Variants in PLCB2 observed in about 807,000 individuals in gnomAD.
PLCB2 encodes the protein 1-phosphatidylinositol 4,5-bisphosphate phosphodiesterase beta-2.
In PLCB2, 115 loss-of-function variants were observed where a neutral mutation model predicts 141.7. That is an observed-to-expected ratio of 0.81 (90% CI 0.70 to 0.95). PLCB2 has a LOEUF of 0.95. Among genes scored for constraint, PLCB2 ranks in the 40% least tolerant of loss-of-function variants. PLCB2 has a pLI of 0.00. For missense variants in PLCB2, 1,403 were observed against 1,541.1 expected, an observed-to-expected ratio of 0.91 and a Z score of 1.50; for synonymous variants, 603 against 595.6, an observed-to-expected ratio of 1.01 and a Z score of -0.18.
rs757525966 is a variant in PLCB2 at position 40,307,640 on chromosome 15, G to A, written c.33C>T (p.Pro11=). The A allele has an allele frequency of 2.5e-6, 4 of 1,583,306 alleles. No individual in the cohort carries two copies. In the African/African-American group the frequency reaches 4.1e-5, roughly 16 times the overall value. MSLLNPVLLP[P]KVKAYLSQGE... is the part of the protein sequence containing the mutation. ...CTTGGCTCAGATAGGCCTTCACCTT[G>A]GGGGGCAGCAGGACAGGGTTGAGCA... Residue 11 remains proline, a synonymous_variant, in exon 1 of 32, where the codon CCC becomes CCT. Transcript: ENST00000260402.
Position 40,296,893 on chromosome 15 carries a change from G to C in PLCB2, c.1339C>G (p.Pro447Ala), listed in dbSNP as rs1225138624. Reference sequence around the variant, plus strand: ...CTGAGATCCTCAGGGCTGGGCAGGGGGACACCTGGTTTTAGCTATGGAGTG... The same window carrying C: ...CTGAGATCCTCAGGGCTGGGCAGGGCGACACCTGGTTTTAGCTATGGAGTG... ...LEKFPLKPGV[P>A]LPSPEDLRGK... is the part of the protein sequence containing the mutation. The change falls in exon 14 of 32, where the codon CCC becomes GCC. Residue 447 changes from proline to alanine, a missense_variant. This residue lies in a region of PLCB2 where 975 missense variants were observed against 1,141.1 expected (regional missense o/e 0.85). Coordinates refer to ENST00000260402, the MANE Select transcript of PLCB2 (RefSeq NM_004573.3). The C allele has an allele frequency of 6.2e-7, 1 of 1,613,878 alleles. No homozygotes were observed. The highest frequency in any genetic ancestry group is 1.7e-5 in the Admixed American group (1 of 59,966).
chr15:40,303,076 T>C (rs947052359), intron 3 of PLCB2, among the ~76,000 whole-genome samples: 7 of 152,102 alleles, frequency 4.6e-5, no homozygotes, highest in African/African-American at 1.7e-4. Flanking sequence ...CCATCTCAGC[T>C]CACTGTGCGC....
Position 40,288,537 on chromosome 15 carries a change from T to A in PLCB2, c.*178A>T, listed in dbSNP as rs181845158. 52 of 1,329,600 alleles carry A rather than the reference T, an allele frequency of 3.9e-5. No homozygotes were observed. In the African/African-American group the frequency reaches 6.6e-4, roughly 17 times the overall value. The allele number at this position is 1,329,600 out of a possible 1,614,324, so 82.4% of individuals were successfully genotyped here. A position where few individuals can be genotyped will look rare whatever the true frequency, so the allele number is the denominator to read the frequency against. On this transcript the variant is annotated 3_prime_UTR_variant, in exon 32 of 32. Transcript: ENST00000260402. ...CCCCAGAGAGGCCCTGCCGTGAGGG[T>A]GCCTGGGTCCTGTCTCAGACTCTGG... is the stretch of plus-strand genomic sequence containing the variant.
chr15:40,304,088 G>A lies in PLCB2; in HGVS notation c.85-10C>T. On this transcript the variant is annotated splice_polypyrimidine_tract_variant and intron_variant, in intron 1 of 31. Transcript: ENST00000260402. ...AGGCAACTGTAGTTTCCTGCAGAGA[G>A]AAGGAGCCAGCACTCTGTTCCAAGA... 4 of 1,580,860 alleles carry A rather than the reference G, an allele frequency of 2.5e-6. No homozygotes were observed. The highest frequency in any genetic ancestry group is 3.4e-6 in the Non-Finnish European group (4 of 1,161,004).
chr15:40,296,299 C>T lies in PLCB2; in HGVS notation c.1693G>A (p.Ala565Thr). The T allele has an allele frequency of 6.2e-7, 1 of 1,612,174 alleles. No individual in the cohort carries two copies. The change falls in exon 16 of 32, where the codon GCC (alanine) becomes ACC (threonine). Residue 565 changes from alanine (A) to threonine (T), a missense_variant. By Grantham distance (58) the Ala-to-Thr change is moderately conservative (BLOSUM62 0). This residue lies in a region of PLCB2 where 975 missense variants were observed against 1,141.1 expected (regional missense o/e 0.85). Coordinates refer to ENST00000260402, the MANE Select transcript of PLCB2 (RefSeq NM_004573.3). ...TAAGTTACTCATGCTAACTTACGGG[C>T]AGAGAACTCAAAGGAGACGAACTTG... is the stretch of plus-strand genomic sequence containing the variant. ...PTKFVSFEFS[A>T]QKNRSYVISS...
intron 19 of PLCB2, 136 bp from the exon 20 acceptor site, chr15:40,293,860 T>C: frequency 4.8e-6 from 4 of 830,828 alleles, no homozygotes; most frequent in Non-Finnish European, 7.5e-6. Flanking sequence ...GCTCTGGCCA[T>C]GAGTAGAGAG....
In PLCB2 at chr15:40,297,417, A is replaced by G; in HGVS notation, c.1323+104T>C. The G allele has an allele frequency of 2.3e-6, 2 of 866,604 alleles. No homozygotes were observed. Among genetic ancestry groups the G allele is most frequent in the South Asian group, 2.7e-5 (2 of 72,842 alleles). The allele number at this position is 866,604 out of a possible 1,614,324, so 53.7% of individuals were successfully genotyped here. A position where few individuals can be genotyped will look rare whatever the true frequency, so the allele number is the denominator to read the frequency against. On this transcript the variant is annotated intron_variant, in intron 13 of 31. Transcript: ENST00000260402. The surrounding 1 kb of genome is among the most constrained non-coding windows in gnomAD (Gnocchi z 4.2). ...TCCCAGACCCGCATCTAACCAAGTG[A>G]ACCCTAGCATCCTCTGGGAGTGTCT...
At chr15:40,299,441 A>G (rs959565885) in intron 7 of PLCB2, among the ~76,000 whole-genome samples, 1 of 152,218 alleles carries the variant, frequency 6.6e-6, no homozygotes, top group African/African-American at 2.4e-5. Flanking sequence ...GATTTTGTAC[A>G]GTGGCTATTC....
At position 40,290,027 on chromosome 15, in the gene PLCB2, G is replaced by A; in HGVS notation, c.3265C>T (p.Gln1089Ter). The change falls in exon 30 of 32, where the codon CAG (glutamine) becomes TAG (stop). Residue 1089 changes from glutamine (Q) to a stop codon, truncating the protein, a stop_gained and splice_region_variant. Transcript: ENST00000260402. LOFTEE classifies it high-confidence loss of function. ...HIQEVVQVIK[Q>*]MTENLERHQE... is the part of the protein sequence containing the mutation. ...GGAAGGACACAGCCCTTACACACCTGCTTGATCACCTGCACTACTTCCTGG... is the reference window on the plus strand; with the variant it reads ...GGAAGGACACAGCCCTTACACACCTACTTGATCACCTGCACTACTTCCTGG... The A allele has an allele frequency of 6.4e-7, 1 of 1,572,456 alleles. No individual in the cohort carries two copies.
At position 40,288,506 on chromosome 15, in the gene PLCB2, T is replaced by C; in HGVS notation, c.*209A>G. 1 of 1,301,062 alleles carries C rather than the reference T, an allele frequency of 7.7e-7. No individual in the cohort carries two copies. Among genetic ancestry groups the C allele is most frequent in the Non-Finnish European group, 9.8e-7 (1 of 1,024,576 alleles). 80.6% of individuals were successfully genotyped at this position (1,301,062 alleles called of 1,614,324 possible). ...GGTAGGAAGTCAGCTTGAGAAGACT[T>C]CTAGGCCCCAGAGAGGCCCTGCCGT... On this transcript the variant is annotated 3_prime_UTR_variant, in exon 32 of 32. Transcript: ENST00000260402.
chr15:40,298,834 C>A lies in PLCB2; in HGVS notation c.814G>T (p.Asp272Tyr), dbSNP rs566766494. Residue 272 changes from aspartate (D) to tyrosine (Y), a missense_variant, in exon 9 of 32, where the codon GAC becomes TAC. This residue lies in a region of PLCB2 where 975 missense variants were observed against 1,141.1 expected (regional missense o/e 0.85). Coordinates refer to ENST00000260402, the MANE Select transcript of PLCB2 (RefSeq NM_004573.3). ...ARPDQVQGLI[D>Y]KYEPSGINAQ... ...TTGATGCCACTGGGCTCATACTTGT[C>A]GATGAGGCCCTGCACCTGGTCAGGC... is the stretch of plus-strand genomic sequence containing the variant. 1.7e-5 allele frequency: 28 copies of A among 1,613,532 alleles called. No individual in the cohort carries two copies. In the African/African-American group the frequency reaches 2.8e-4, roughly 16 times the overall value.
At position 40,295,078 on chromosome 15, in the gene PLCB2, A is replaced by G. The variant is rs745714689; in HGVS notation, c.1782-18T>C. On this transcript the variant is annotated intron_variant, in intron 17 of 31. Transcript: ENST00000260402. ...TGTTGTAGCTGTCCCTGAGTTTAGG[A>G]CCCTAGCCAAGGCCATCTGCACCAG... The G allele has an allele frequency of 6.2e-7, 1 of 1,610,090 alleles. No individual in the cohort carries two copies. Among genetic ancestry groups the G allele is most frequent in the African/African-American group, 1.3e-5 (1 of 74,630 alleles).
chr15:40,307,536 GC>G, intron 1 of PLCB2, 52 bp downstream of exon 1: 1 of 1,190,410 alleles, frequency 8.4e-7, no homozygotes, highest in Non-Finnish European at 1.2e-6. Flanking sequence ...CCCCGTAGCA[GC>G]CCGGCCCCCA....
Position 40,297,401 on chromosome 15 carries a change from C to T in PLCB2, c.1323+120G>A, listed in dbSNP as rs1047047987. On this transcript the variant is annotated intron_variant, in intron 13 of 31. Transcript: ENST00000260402. The surrounding 1 kb of genome is among the most constrained non-coding windows in gnomAD (Gnocchi z 4.2). ...ACGGAAGGTGACAGGATCCCAGACC[C>T]GCATCTAACCAAGTGAACCCTAGCA... 8 of 775,016 alleles carry T rather than the reference C, an allele frequency of 1.0e-5. No homozygotes were observed. Among genetic ancestry groups the T allele is most frequent in the Non-Finnish European group, 1.4e-5 (6 of 438,456 alleles). 48.0% of individuals were successfully genotyped at this position (775,016 alleles called of 1,614,324 possible). A position where few individuals can be genotyped will look rare whatever the true frequency, so the allele number is the denominator to read the frequency against.
chr15:40,301,664 C>T (rs1200745453), intron 7 of PLCB2: 8 of 702,968 alleles, frequency 1.1e-5, no homozygotes, highest in African/African-American at 1.7e-5. Flanking sequence ...GAATGCATGC[C>T]GTTTCTGCTG....
At chr15:40,296,967 CCTT>C (rs2040256372) in intron 13 of PLCB2, 59 bp from the exon 14 acceptor site, 1 of 1,567,740 alleles carries the variant, frequency 6.4e-7, no homozygotes. Flanking sequence ...AGCCTGAGCT[CCTT>C]ATTACCAGGC....
Position 40,297,666 on chromosome 15 carries a change from C to A in PLCB2, c.1239-61G>T. 7.2e-7 allele frequency: 1 copy of A among 1,393,686 alleles called. No individual in the cohort carries two copies. The highest frequency in any genetic ancestry group is 1.4e-5 in the African/African-American group (1 of 71,218). 86.3% of individuals were successfully genotyped at this position (1,393,686 alleles called of 1,614,324 possible). The stretch of plus-strand genomic sequence containing the variant: ...CTCAGCACCAACCCTATTATGCATC[C>A]TTTTGTGCCCTTGATGACCCAGATC... On this transcript the variant is annotated intron_variant, in intron 12 of 31. Coordinates refer to ENST00000260402, the MANE Select transcript of PLCB2 (RefSeq NM_004573.3). This position sits in a 1 kb window ranked among gnomAD's most constrained non-coding sequence, Gnocchi z 4.2.
intron 29 of PLCB2, 49 bp downstream of exon 29, chr15:40,290,528 C>T (rs1377421413): frequency 7.4e-7 from 1 of 1,348,814 alleles, no homozygotes; most frequent in Non-Finnish European, 1.1e-6. Flanking sequence ...GGCCCCTTTC[C>T]ACCTGAAGTG....
At chr15:40,301,446 A>G (rs1015452519) in intron 7 of PLCB2, 2 of 633,604 alleles carry the variant, frequency 3.2e-6, no homozygotes, top group Non-Finnish European at 5.7e-6. Flanking sequence ...AAAATTAATT[A>G]TTTAACTAAA....
Sources: allele counts gnomAD v4.1 joint callset (sites outside exome capture counted in the v4.1 genomes callset), GRCh38; gene constraint gnomAD v4.1.1; regional missense constraint gnomAD v4.1.1; non-coding constraint Gnocchi (gnomAD v3.1); transcripts MANE v1.5; gene names NCBI Gene and HGNC (gene_info 2026-07-23, HGNC 2026-07-21).